GRIP1: variants seen among roughly 807,000 people sequenced by gnomAD.
GRIP1 encodes the protein glutamate receptor interacting protein 1.
In GRIP1, 45 loss-of-function variants were observed where a neutral mutation model predicts 129.9. That is an observed-to-expected ratio of 0.35 (90% CI 0.27 to 0.44). The LOEUF (loss-of-function observed/expected upper bound fraction) is 0.44, where lower values mean the gene tolerates loss of function less well. Ranked by LOEUF, GRIP1 falls within the 20% of genes least tolerant of loss-of-function variation. The pLI, the probability that GRIP1 is intolerant of heterozygous loss-of-function variation, is 1.00. For missense variants in GRIP1, 1,196 were observed against 1,396.8 expected (o/e 0.86, Z 2.29); for synonymous variants, 530 against 520.8 (o/e 1.02, Z -0.24).
chr12:66,763,797 A>T (rs1372748860), intron 1 of GRIP1, among the ~76,000 whole-genome samples: 1 of 152,232 alleles, frequency 6.6e-6, no homozygotes, highest in Non-Finnish European at 1.5e-5. Context: ...AATTATATAC[A>T]AATCACCAAC....
intron 1 of GRIP1, among the ~76,000 whole-genome samples, chr12:66,844,788 A>C (rs2039784268): frequency 6.6e-6 from 1 of 152,234 alleles, no homozygotes; most frequent in African/African-American, 2.4e-5. Flanking sequence ...CTTAAGAAGG[A>C]AGAAAACTCT....
chr12:66,672,942 G>A (rs1003832579), intron 1 of GRIP1, among the ~76,000 whole-genome samples: 2 of 152,100 alleles, frequency 1.3e-5, no homozygotes, highest in African/African-American at 2.4e-5. Flanking sequence ...TGCCACACAA[G>A]TAAAAATAGG....
At chr12:66,870,598 C>T (rs1318476988) in intron 1 of GRIP1, among the ~76,000 whole-genome samples, 1 of 152,026 alleles carries the variant, frequency 6.6e-6, no homozygotes, top group African/African-American at 2.4e-5. Flanking sequence ...CTGAATGCAC[C>T]TAATCTAAAT....
At chr12:67,025,080 T>C (rs1713449932) in intron 1 of GRIP1, among the ~76,000 whole-genome samples, 1 of 152,212 alleles carries the variant, frequency 6.6e-6, no homozygotes, top group Non-Finnish European at 1.5e-5. Context: ...GCTCACACCC[T>C]GTAATACCAG....
chr12:66,929,621 G>A (rs17103082), intron 1 of GRIP1, among the ~76,000 whole-genome samples: 2,627 of 152,198 alleles, frequency 0.017, 87 homozygotes, highest in African/African-American at 0.06. Context: ...CACTCTCCTA[G>A]AATACCTTTC....
Position 66,379,031 on chromosome 12 carries a change from G to A in GRIP1, c.2621+249C>T, listed in dbSNP as rs371669933. 2.2e-4 allele frequency among the ~76,000 whole-genome samples: 33 copies of A among 152,360 alleles called. 2 individuals are homozygous for A. The highest frequency in any genetic ancestry group is 1.6e-3 in the Admixed American group (24 of 15,304). ...GGAAGGGAGTGCAAAGTTTATAGAA[G>A]CAGCTTCTCCCCAGGTGCTACTACT... On this transcript the variant is annotated intron_variant, in intron 20 of 24. Transcript: ENST00000359742.
chr12:66,618,885 G>A lies in GRIP1; in HGVS notation c.56-21958C>T, dbSNP rs561073631. Reference sequence around the variant, plus strand: ...AAATGAGATGTTCAGTAGCTATCACGTCATCTTGGTAGGATAAATAAAGAA... The same window carrying A: ...AAATGAGATGTTCAGTAGCTATCACATCATCTTGGTAGGATAAATAAAGAA... On this transcript the variant is annotated intron_variant, in intron 1 of 24. Coordinates refer to ENST00000359742, the MANE Select transcript of GRIP1 (RefSeq NM_001366722.1). 7.6e-4 allele frequency among the ~76,000 whole-genome samples: 116 copies of A among 152,092 alleles called. 1 individual carries two copies. Among genetic ancestry groups the A allele is most frequent in the South Asian group, 1.5e-3 (7 of 4,822 alleles).
intron 1 of GRIP1, among the ~76,000 whole-genome samples, chr12:66,944,159 A>T (rs2041630290): frequency 6.6e-6 from 1 of 152,172 alleles, no homozygotes; most frequent in Non-Finnish European, 1.5e-5. Flanking sequence ...CTGTGTTGTG[A>T]AACAGTACTC....
chr12:67,013,723 T>C (rs551458519), intron 1 of GRIP1, among the ~76,000 whole-genome samples: 1 of 152,302 alleles, frequency 6.6e-6, no homozygotes, highest in South Asian at 2.1e-4. Flanking sequence ...GTCTGCCCAA[T>C]ATCCATTCTA....
chr12:66,602,262 G>A (rs965277941), intron 1 of GRIP1, among the ~76,000 whole-genome samples: 1 of 152,008 alleles, frequency 6.6e-6, no homozygotes, highest in Non-Finnish European at 1.5e-5. Flanking sequence ...TGCTTCCCTG[G>A]TGGTTTGACA....
At chr12:66,805,540 A>G (rs1169348226), upstream of GRIP1, among the ~76,000 whole-genome samples, 1 of 152,190 alleles carries the variant, frequency 6.6e-6, no homozygotes, top group African/African-American at 2.4e-5. Context: ...ATGTTCCCAG[A>G]AATATAATTT....
At chr12:67,069,030 G>A (rs1490118462) in intron 1 of GRIP1, 2 of 238,546 alleles carry the variant, frequency 8.4e-6, no homozygotes, top group Middle Eastern at 2.1e-3. Flanking sequence ...CTCCCTCCCC[G>A]GCCCCGCCGC....
intron 1 of GRIP1, among the ~76,000 whole-genome samples, chr12:66,784,708 C>A (rs1300187570): frequency 1.3e-5 from 2 of 152,132 alleles, no homozygotes; most frequent in African/African-American, 4.8e-5. Flanking sequence ...AAAAACTACT[C>A]CCTGGTCTTA....
intron 1 of GRIP1, among the ~76,000 whole-genome samples, chr12:66,736,670 C>T (rs1413100964): frequency 6.6e-6 from 1 of 151,546 alleles, no homozygotes; most frequent in Non-Finnish European, 1.5e-5. Context: ...CACTAGTGAA[C>T]CCATGCAATT....
intron 1 of GRIP1, among the ~76,000 whole-genome samples, chr12:66,762,768 C>A (rs1414993642): frequency 6.6e-6 from 1 of 152,182 alleles, no homozygotes; most frequent in East Asian, 1.9e-4. Flanking sequence ...CACACAACTG[C>A]AAGGTAATGT....
At chr12:66,465,796 T>G (rs12821519) in intron 7 of GRIP1, among the ~76,000 whole-genome samples, 21,771 of 151,980 alleles carry the variant, frequency 0.14, 1,677 homozygotes, top group Non-Finnish European at 0.18. Context: ...TCAATAAATA[T>G]CTTAGCACCT....
At chr12:66,673,549 A>AT (rs1317820734) in intron 1 of GRIP1, among the ~76,000 whole-genome samples, 4 of 152,306 alleles carry the variant, frequency 2.6e-5, no homozygotes, top group Non-Finnish European at 4.4e-5. Context: ...GAGGTAAAGT[A>AT]TTTCTAGCAT....
At chr12:66,536,629 G>T (rs530863275) in intron 4 of GRIP1, among the ~76,000 whole-genome samples, 119 of 152,154 alleles carry the variant, frequency 7.8e-4, no homozygotes, top group African/African-American at 2.7e-3. Flanking sequence ...CACCCTATTT[G>T]CAATTGTATT....
In GRIP1 at chr12:66,408,176, G is replaced by T. The variant is rs965867325; in HGVS notation, c.1839-1748C>A. Among the ~76,000 whole-genome samples, 3 of 152,094 alleles carry T rather than the reference G, an allele frequency of 2.0e-5. No individual in the cohort carries two copies. In the South Asian group the frequency reaches 6.2e-4, roughly 32 times the overall value. On this transcript the variant is annotated intron_variant, in intron 15 of 24. Transcript: ENST00000359742. The stretch of plus-strand genomic sequence containing the variant: ...CACCTGCTGACTAAATATCCCTCGG[G>T]CCCTGAATAATCAGCAGCATGGCTG...
Sources: gnomAD v4.1 joint callset for allele counts (sites outside exome capture counted in the v4.1 genomes callset) on GRCh38, gnomAD v4.1.1 for gene constraint, MANE v1.5 for transcripts, NCBI Gene and HGNC (gene_info 2026-07-23, HGNC 2026-07-21) for gene names.